The following ARHGEF3 variants were observed in gnomAD, a reference collection of about 807,000 sequenced individuals.
The protein encoded by ARHGEF3 is 59.8 kDA protein.
A neutral mutation model predicts 63.2 loss-of-function variants in ARHGEF3; 28 were observed. That is an observed-to-expected ratio of 0.44 (90% CI 0.33 to 0.61). ARHGEF3 has a LOEUF of 0.61. ARHGEF3 is among the 20% of genes least tolerant of loss of function. The pLI, the probability that ARHGEF3 is intolerant of heterozygous loss-of-function variation, is 0.03. For missense variants in ARHGEF3, 533 were observed against 659.3 expected (o/e 0.81, Z 2.10); for synonymous variants, 266 against 254.2 (o/e 1.05, Z -0.44).
chr3:56,864,858 T>C (rs114550031), intron 4 of ARHGEF3, among the ~76,000 whole-genome samples: 3 of 152,140 alleles, frequency 2.0e-5, no homozygotes, highest in African/African-American at 4.8e-5. Flanking sequence ...ATATTACATA[T>C]AATAAAATTT....
At chr3:56,979,920 T>G (rs1459276649) in intron 2 of ARHGEF3, among the ~76,000 whole-genome samples, 1 of 152,186 alleles carries the variant, frequency 6.6e-6, no homozygotes, top group Non-Finnish European at 1.5e-5. Flanking sequence ...GTGAGACTAC[T>G]GACGGTGGTG....
At chr3:56,928,211 C>T (rs1392958500) in intron 3 of ARHGEF3, among the ~76,000 whole-genome samples, 2 of 152,192 alleles carry the variant, frequency 1.3e-5, no homozygotes, top group Non-Finnish European at 2.9e-5. Context: ...GAAACTCCCC[C>T]TTGTTGAGCA....
chr3:56,910,792 T>A (rs1278630337), intron 3 of ARHGEF3, among the ~76,000 whole-genome samples: 1 of 152,196 alleles, frequency 6.6e-6, no homozygotes, highest in Non-Finnish European at 1.5e-5. Context: ...AAAATCACAA[T>A]CATAATCATA....
At chr3:56,939,317 A>G (rs1699061876) in intron 3 of ARHGEF3, among the ~76,000 whole-genome samples, 1 of 152,228 alleles carries the variant, frequency 6.6e-6, no homozygotes, top group Non-Finnish European at 1.5e-5. Context: ...TCAGTTCTCG[A>G]CATCACCATC....
At chr3:56,745,184 G>A in intron 7 of ARHGEF3, 21 bp downstream of exon 7, 2 of 1,606,386 alleles carry the variant, frequency 1.2e-6, no homozygotes, top group Non-Finnish European at 1.7e-6. Flanking sequence ...AGAAGAGAGA[G>A]AAGGAAACAG....
chr3:57,021,346 A>T (rs1179156687), intron 2 of ARHGEF3, among the ~76,000 whole-genome samples: 1 of 152,260 alleles, frequency 6.6e-6, no homozygotes, highest in Non-Finnish European at 1.5e-5. Context: ...AAACTTCCTT[A>T]AGAGATATAA....
chr3:56,954,926 G>C (rs999991412), intron 3 of ARHGEF3, among the ~76,000 whole-genome samples: 1 of 152,088 alleles, frequency 6.6e-6, no homozygotes, highest in Non-Finnish European at 1.5e-5. Flanking sequence ...AAACAAAGAC[G>C]GGGGTGCAAT....
chr3:57,045,170 G>A (rs979586248), intron 1 of ARHGEF3, among the ~76,000 whole-genome samples: 2 of 152,216 alleles, frequency 1.3e-5, no homozygotes, highest in African/African-American at 4.8e-5. Context: ...GGGAGGCTGA[G>A]GCAGGAGAAT....
At chr3:56,811,697 T>C (rs1238890209) in intron 4 of ARHGEF3, among the ~76,000 whole-genome samples, 1 of 152,222 alleles carries the variant, frequency 6.6e-6, no homozygotes, top group African/African-American at 2.4e-5. Flanking sequence ...ATAGTTCGCA[T>C]GTGCCCACAA....
chr3:56,967,103 T>G (rs2106798244), intron 2 of ARHGEF3, among the ~76,000 whole-genome samples: 1 of 148,670 alleles, frequency 6.7e-6, no homozygotes, highest in Non-Finnish European at 1.5e-5. Flanking sequence ...CCTCAAGTGA[T>G]CTGCCTGCCT....
At chr3:56,917,383 T>C (rs2108355043) in intron 3 of ARHGEF3, among the ~76,000 whole-genome samples, 1 of 152,328 alleles carries the variant, frequency 6.6e-6, no homozygotes, top group African/African-American at 2.4e-5. Context: ...CTGTTAAGAT[T>C]TAGCCCAGGG....
intron 2 of ARHGEF3, chr3:57,007,431 G>A: frequency 8.3e-7 from 1 of 1,198,612 alleles, no homozygotes. Flanking sequence ...AATCAGGCTT[G>A]GAAAGTGAGA....
At chr3:56,802,105 C>T, upstream of ARHGEF3, 1 of 936,278 alleles carries the variant, frequency 1.1e-6, no homozygotes, top group Non-Finnish European at 1.4e-6. Context: ...GGGGCGGTCC[C>T]GCGGGTGGAG....
intron 4 of ARHGEF3, among the ~76,000 whole-genome samples, chr3:56,817,901 G>T (rs552489581): frequency 6.6e-6 from 1 of 152,314 alleles, no homozygotes; most frequent in East Asian, 1.9e-4. Flanking sequence ...GGCTTTATAG[G>T]AAGGCCACGC....
chr3:57,041,994 T>C (rs1205252975), intron 1 of ARHGEF3, among the ~76,000 whole-genome samples: 6 of 152,150 alleles, frequency 3.9e-5, no homozygotes, highest in Non-Finnish European at 7.3e-5. Flanking sequence ...GAACCAGAGA[T>C]AATGACATGA....
chr3:57,078,797 C>T (rs1706332514), intron 1 of ARHGEF3: 1 of 154,618 alleles, frequency 6.5e-6, no homozygotes, highest in Non-Finnish European at 1.4e-5. Flanking sequence ...GGGTGCCCCG[C>T]GGGGCTGGAG....
rs767046252 is a variant in ARHGEF3 at position 57,076,491 on chromosome 3, A to T, written c.-28+2735T>A. 8.1e-4 allele frequency among the ~76,000 whole-genome samples: 123 copies of T among 152,164 alleles called. 5 individuals carry two copies. Among genetic ancestry groups the T allele is most frequent in the Non-Finnish European group, 1.6e-4 (11 of 68,044 alleles). On this transcript the variant is annotated intron_variant, in intron 1 of 12. Transcript: ENST00000338458. ...TCGTCCTCAACAGTGTGGTACAGGG[A>T]CTACATCTGGTTCTCTGCCCCCTCT...
At chr3:56,991,554 A>T (rs889400359) in intron 2 of ARHGEF3, among the ~76,000 whole-genome samples, 6 of 152,212 alleles carry the variant, frequency 3.9e-5, no homozygotes, top group Admixed American at 3.3e-4. Context: ...GCAAAAAAGA[A>T]TTCTGTCAGA....
chr3:57,050,589 G>A (rs1177373561), intron 1 of ARHGEF3, among the ~76,000 whole-genome samples: 2 of 152,202 alleles, frequency 1.3e-5, no homozygotes, highest in Non-Finnish European at 2.9e-5. Flanking sequence ...GTATAATGGT[G>A]GGGGAAAAGC....
Sources: gnomAD v4.1 joint callset for allele counts (sites outside exome capture counted in the v4.1 genomes callset) on GRCh38, gnomAD v4.1.1 for gene constraint, MANE v1.5 for transcripts, NCBI Gene and HGNC (gene_info 2026-07-23, HGNC 2026-07-21) for gene names.